ADSL: variants seen among roughly 807,000 people sequenced by gnomAD.
The protein encoded by ADSL is adenylosuccinase.
In ADSL, 44 loss-of-function variants were observed where a neutral mutation model predicts 62.1. The ratio of observed to expected loss-of-function variants is 0.71; its 90% CI spans 0.56 to 0.91. The LOEUF is 0.91. Ranked by LOEUF, ADSL falls within the 40% of genes least tolerant of loss-of-function variation. The pLI is 0.00. For synonymous variants in ADSL, 198 were observed against 220.5 expected (o/e 0.90, Z 0.90); for missense variants, 531 against 627.4 (o/e 0.85, Z 1.64).
chr22:40,375,726 A>C (rs984851843), intron 2 of ADSL, among the ~76,000 whole-genome samples: 1 of 151,510 alleles, frequency 6.6e-6, no homozygotes, highest in African/African-American at 2.4e-5. Flanking sequence ...CTAGATATCT[A>C]ATTAGCCTGC....
In ADSL at chr22:40,366,692, A is replaced by C; in HGVS notation, c.*170A>C. 1 of 625,036 alleles carries C rather than the reference A, an allele frequency of 1.6e-6. No individual in the cohort carries two copies. The highest frequency in any genetic ancestry group is 1.8e-5 in the South Asian group (1 of 55,484). The allele number at this position is 625,036 out of a possible 1,614,324, so 38.7% of individuals were successfully genotyped here. ...GTCTCACATTTCTCAACAAGGCAAA[A>C]ACAAAGAGCGTTGAAGTTGACTCTG... is the stretch of plus-strand genomic sequence containing the variant. On this transcript the variant is annotated 3_prime_UTR_variant, in exon 13 of 13. Transcript: ENST00000623063.
intron 2 of ADSL, among the ~76,000 whole-genome samples, chr22:40,352,857 T>C (rs1244262291): frequency 6.6e-6 from 1 of 152,192 alleles, no homozygotes; most frequent in Admixed American, 6.5e-5. Flanking sequence ...TTTTGTTCCT[T>C]ACAGATCTCA....
chr22:40,365,485 A>G (rs975165137), intron 12 of ADSL, among the ~76,000 whole-genome samples: 4 of 152,184 alleles, frequency 2.6e-5, no homozygotes, highest in Admixed American at 2.6e-4. Context: ...GTAAAAGTAA[A>G]TATCTCAGTG....
downstream of ADSL, among the ~76,000 whole-genome samples, chr22:40,372,116 C>G (rs908468545): frequency 1.8e-4 from 21 of 118,428 alleles, 1 homozygote; most frequent in Admixed American, 1.8e-3. Flanking sequence ...TCCCTGTCCC[C>G]CCCCCCTTTT....
intron 2 of ADSL, chr22:40,387,295 G>A (rs1051522812): frequency 2.5e-6 from 1 of 398,260 alleles, no homozygotes; most frequent in Non-Finnish European, 4.4e-6. Flanking sequence ...TGTATATAGT[G>A]TAGTATAATT....
chr22:40,370,111 G>A (rs548132354), downstream of ADSL, among the ~76,000 whole-genome samples: 5 of 152,032 alleles, frequency 3.3e-5, no homozygotes, highest in South Asian at 1.0e-3. Context: ...AGGCTGAAGC[G>A]GGCAGATCAT....
At position 40,360,456 on chromosome 22, in the gene ADSL, G is replaced by A; in HGVS notation, c.756G>A (p.Leu252=). The A allele has an allele frequency of 6.2e-7, 1 of 1,614,118 alleles. No individual in the cohort carries two copies. Residue 252 remains leucine (L), a synonymous_variant, in exon 7 of 13, where the codon CTG becomes CTA. Transcript: ENST00000623063. ...TYTRKVDIEV[L]SVLASLGASV... ...CACGAAAAGTGGATATTGAAGTACT[G>A]TCTGTGCTGGCTAGCTTGGGGGCAT...
intron 2 of ADSL, 99 bp downstream of exon 2, chr22:40,350,134 T>TC (rs1239634508): frequency 4.0e-6 from 1 of 249,350 alleles, no homozygotes; most frequent in African/African-American, 2.8e-5. Flanking sequence ...ACTATAGATC[T>TC]TTTTTTTTTT....
chr22:40,371,707 T>C (rs1442259218), downstream of ADSL, among the ~76,000 whole-genome samples: 4 of 151,270 alleles, frequency 2.6e-5, no homozygotes, highest in Non-Finnish European at 5.9e-5. Context: ...TCTTTTCTAT[T>C]TTTTTTTTAA....
Position 40,378,589 on chromosome 22 carries a change from C to T in ADSL, c.90-11641C>T, listed in dbSNP as rs548408806. 2.6e-5 allele frequency among the ~76,000 whole-genome samples: 4 copies of T among 151,032 alleles called. No homozygotes were observed. In the South Asian group the frequency reaches 6.3e-4, roughly 24 times the overall value. On this transcript the variant is annotated intron_variant, in intron 2 of 2. Coordinates refer to the ADSL transcript ENST00000498234. ...ACTACCAAAAATACAAAAAATTAGC[C>T]GGGTGTGGTGGCGCATGCCTGTAAT... is the stretch of plus-strand genomic sequence containing the variant.
At chr22:40,370,354 CAAA>C (rs11328048), downstream of ADSL, among the ~76,000 whole-genome samples, 9 of 86,386 alleles carry the variant, frequency 1.0e-4, no homozygotes, top group Admixed American at 1.1e-4. Flanking sequence ...GACTCCATCT[CAAA>C]AAAAAAAAAA....
Position 40,352,515 on chromosome 22 carries a change from G to A in ADSL, c.358-558G>A, listed in dbSNP as rs530926282. 1.1e-4 allele frequency among the ~76,000 whole-genome samples: 17 copies of A among 152,168 alleles called. No individual in the cohort carries two copies. In the East Asian group the frequency reaches 2.1e-3, roughly 19 times the overall value. On this transcript the variant is annotated intron_variant, in intron 2 of 12. Coordinates refer to ENST00000623063, the MANE Select transcript of ADSL (RefSeq NM_000026.4). ...TGCACTACAGCCTGGGCGACAGAGC[G>A]AGACTCCCATCTTAAAAAGAAAAAA...
intron 2 of ADSL, among the ~76,000 whole-genome samples, chr22:40,383,863 T>A (rs1278619081): frequency 6.6e-6 from 1 of 152,152 alleles, no homozygotes; most frequent in East Asian, 1.9e-4. Flanking sequence ...AGGGAGGGTC[T>A]GGATTAAGGC....
At position 40,361,289 on chromosome 22, in the gene ADSL, G is replaced by A. The variant is rs760189192; in HGVS notation, c.809G>A (p.Arg270His). ...ASVHKICTDI[R>H]LLANLKEMEE... ...CTCCCCCAGATTTGCACCGACATAC[G>A]CCTCCTGGCAAACCTCAAGGAGATG... Residue 270 changes from arginine (R) to histidine (H), a missense_variant, in exon 8 of 13, where the codon CGC becomes CAC. This residue lies in a region of ADSL where 471 missense variants were observed against 592.9 expected (regional missense o/e 0.79). Coordinates refer to ENST00000623063, the MANE Select transcript of ADSL (RefSeq NM_000026.4). 3.7e-6 allele frequency: 6 copies of A among 1,614,100 alleles called. No homozygotes were observed. The highest frequency in any genetic ancestry group is 2.2e-5 in the South Asian group (2 of 91,084).
chr22:40,348,655 C>T, intron 1 of ADSL: 1 of 398,606 alleles, frequency 2.5e-6, no homozygotes, highest in Non-Finnish European at 4.4e-6. Flanking sequence ...ATGTGAGCCA[C>T]CATACCTGGC....
chr22:40,364,407 G>A (rs184642800), intron 11 of ADSL, 42 bp downstream of exon 11: 20 of 1,539,306 alleles, frequency 1.3e-5, no homozygotes, highest in Admixed American at 6.8e-5. Flanking sequence ...GAGAGTGCAC[G>A]TTTGGTCCTG....
At chr22:40,349,686 T>G (rs1476525917) in intron 1 of ADSL, 146 bp from the exon 2 acceptor site, 7 of 761,058 alleles carry the variant, frequency 9.2e-6, no homozygotes, top group Non-Finnish European at 1.3e-5. Context: ...CCAGTGTACT[T>G]TCAACTTGGT....
At chr22:40,362,885 G>T in intron 9 of ADSL, 96 bp from the exon 10 acceptor site, 1 of 1,121,776 alleles carries the variant, frequency 8.9e-7, no homozygotes, top group South Asian at 1.2e-5. Context: ...AGATTATCCA[G>T]AGAGTACAGT....
At chr22:40,382,055 G>C (rs1191118619) in intron 2 of ADSL, among the ~76,000 whole-genome samples, 1 of 152,146 alleles carries the variant, frequency 6.6e-6, no homozygotes, top group Non-Finnish European at 1.5e-5. Context: ...TCACTGTCCT[G>C]TCTAGGATCT....
Sources: gnomAD v4.1 joint callset for allele counts (sites outside exome capture counted in the v4.1 genomes callset) on GRCh38, gnomAD v4.1.1 for gene constraint, gnomAD v4.1.1 regional missense constraint, MANE v1.5 for transcripts, NCBI Gene and HGNC (gene_info 2026-07-23, HGNC 2026-07-21) for gene names.